The following FRMD4B variants were observed in gnomAD, a reference collection of about 807,000 sequenced individuals.
The protein encoded by FRMD4B is FERM domain containing 4B, also known as FERM domain-containing protein 4B.
In FRMD4B, 74 loss-of-function variants were observed where a neutral mutation model predicts 141.5. The observed-to-expected ratio is 0.52, with a 90% CI of 0.43 to 0.63. The LOEUF (loss-of-function observed/expected upper bound fraction) is 0.63, where lower values mean the gene tolerates loss of function less well. Among genes scored for constraint, FRMD4B ranks in the 30% least tolerant of loss-of-function variants. FRMD4B has a pLI of 0.00. For synonymous variants in FRMD4B, 506 were observed against 467.9 expected (o/e 1.08, Z -1.05); for missense variants, 1,366 against 1,253.4 (o/e 1.09, Z -1.36).
chr3:69,388,283 T>C (rs1348551156), upstream of FRMD4B, among the ~76,000 whole-genome samples: 2 of 152,172 alleles, frequency 1.3e-5, no homozygotes, highest in African/African-American at 4.8e-5. Flanking sequence ...TCAAATTCCA[T>C]CATTTTCATT....
chr3:69,365,512 T>TTG (rs1703612714), intron 1 of FRMD4B, among the ~76,000 whole-genome samples: 1 of 147,662 alleles, frequency 6.8e-6, no homozygotes, highest in African/African-American at 2.6e-5. Context: ...TTTGTTTTTT[T>TTG]TCTTTTTTTT....
intron 19 of FRMD4B, among the ~76,000 whole-genome samples, chr3:69,186,766 T>C (rs965284642): frequency 1.3e-5 from 2 of 152,176 alleles, no homozygotes; most frequent in African/African-American, 4.8e-5. Flanking sequence ...CTCCAACTCT[T>C]GAGCTCAAGT....
chr3:69,249,162 TA>T, intron 7 of FRMD4B, 63 bp downstream of exon 7: 1 of 1,014,630 alleles, frequency 9.9e-7, no homozygotes, highest in Non-Finnish European at 1.5e-6. Flanking sequence ...TTATTTAAAA[TA>T]ACCACATAAA....
At chr3:69,423,945 A>T (rs181237027) in intron 2 of FRMD4B, among the ~76,000 whole-genome samples, 156 of 152,272 alleles carry the variant, frequency 1.0e-3, no homozygotes, top group Middle Eastern at 6.8e-3. Flanking sequence ...TACCCAGCTT[A>T]TGGTATTTCG....
intron 1 of FRMD4B, among the ~76,000 whole-genome samples, chr3:69,540,143 C>T (rs1167756596): frequency 1.3e-5 from 2 of 150,222 alleles, no homozygotes; most frequent in Non-Finnish European, 3.0e-5. Context: ...CGGTGAGCCG[C>T]GATCGCGCCA....
chr3:69,368,637 T>C (rs1215515770), intron 1 of FRMD4B, among the ~76,000 whole-genome samples: 1 of 152,198 alleles, frequency 6.6e-6, no homozygotes, highest in African/African-American at 2.4e-5. Context: ...AAGTAGCCCA[T>C]GGCATACTCC....
chr3:69,198,213 T>G (rs1212193309), intron 12 of FRMD4B: 2 of 4,656 alleles, frequency 4.3e-4, no homozygotes, highest in East Asian at 0.17. Context: ...GTAATTTGGC[T>G]TTTTTTTTTT....
intron 1 of FRMD4B, among the ~76,000 whole-genome samples, chr3:69,511,461 T>C (rs907974338): frequency 1.3e-5 from 2 of 152,138 alleles, no homozygotes; most frequent in African/African-American, 4.8e-5. Context: ...CATGCCTATA[T>C]AATCACACAT....
intron 1 of FRMD4B, among the ~76,000 whole-genome samples, chr3:69,492,536 T>A (rs74879602): frequency 6.6e-6 from 1 of 152,208 alleles, no homozygotes. Flanking sequence ...GCATGAGATA[T>A]ATCTGATACA....
chr3:69,478,063 T>G (rs1195509087), intron 1 of FRMD4B, among the ~76,000 whole-genome samples: 2 of 152,168 alleles, frequency 1.3e-5, no homozygotes, highest in Non-Finnish European at 2.9e-5. Flanking sequence ...CCCTTTATCA[T>G]TTTTTATTGC....
At chr3:69,477,918 C>T (rs913017253) in intron 1 of FRMD4B, among the ~76,000 whole-genome samples, 1 of 151,994 alleles carries the variant, frequency 6.6e-6, no homozygotes, top group Admixed American at 6.5e-5. Flanking sequence ...CAACTTCTTC[C>T]TGGTTTAGTC....
chr3:69,348,173 T>C (rs1703012250), intron 1 of FRMD4B, among the ~76,000 whole-genome samples: 1 of 152,080 alleles, frequency 6.6e-6, no homozygotes, highest in African/African-American at 2.4e-5. Flanking sequence ...CCCACAGAAA[T>C]ACAAACTACC....
chr3:69,214,418 A>C (rs1472473652), intron 11 of FRMD4B, among the ~76,000 whole-genome samples: 4 of 152,134 alleles, frequency 2.6e-5, no homozygotes. Flanking sequence ...GCACAGGGAG[A>C]GTGGCAAAAC....
intron 5 of FRMD4B, among the ~76,000 whole-genome samples, chr3:69,278,753 AT>A (rs1197744272): frequency 6.6e-6 from 1 of 151,472 alleles, no homozygotes; most frequent in African/African-American, 2.4e-5. Context: ...CACCTGGCTA[AT>A]TTTTTTTTAT....
chr3:69,193,627 A>C (rs2092865070), intron 17 of FRMD4B, 21 bp downstream of exon 17: 1 of 1,492,094 alleles, frequency 6.7e-7, no homozygotes, highest in African/African-American at 1.4e-5. Context: ...CTCAAAAAAA[A>C]AAACCTTACT....
rs1478526150 is a variant in FRMD4B at position 69,301,910 on chromosome 3, TTGTACAG to T, written c.416+426_416+432del. 2.0e-5 allele frequency among the ~76,000 whole-genome samples: 3 copies of T among 152,348 alleles called. No homozygotes were observed. In the East Asian group the frequency reaches 5.8e-4, roughly 29 times the overall value. On this transcript the variant is annotated intron_variant, in intron 4 of 22. Transcript: ENST00000398540. ...CCTCTATTCAAATTAAGGCATCAAA[TTGTACAG>T]AATTCAATTATTTTTAAGTCTGTAG...
chr3:69,528,648 G>A (rs1700967826), intron 1 of FRMD4B, among the ~76,000 whole-genome samples: 1 of 152,128 alleles, frequency 6.6e-6, no homozygotes, highest in Admixed American at 6.5e-5. Context: ...CTGCAGGCGT[G>A]AGCCACCGCA....
chr3:69,215,577 C>T (rs1286526337), intron 11 of FRMD4B, among the ~76,000 whole-genome samples: 2 of 151,988 alleles, frequency 1.3e-5, no homozygotes. Flanking sequence ...AGACAGGAGT[C>T]ACCATGCCTG....
At chr3:69,509,806 T>G (rs1706660902) in intron 1 of FRMD4B, among the ~76,000 whole-genome samples, 1 of 152,032 alleles carries the variant, frequency 6.6e-6, no homozygotes, top group Non-Finnish European at 1.5e-5. Flanking sequence ...ATGTACTCAC[T>G]TTATGTCACT....
Sources: allele counts gnomAD v4.1 joint callset (sites outside exome capture counted in the v4.1 genomes callset), GRCh38; gene constraint gnomAD v4.1.1; transcripts MANE v1.5; gene names NCBI Gene and HGNC (gene_info 2026-07-23, HGNC 2026-07-21).